RBM27: variants seen among roughly 807,000 people sequenced by gnomAD.
RBM27 encodes the protein RNA binding motif protein 27.
A neutral mutation model predicts 135.3 loss-of-function variants in RBM27; 22 were observed. The observed-to-expected ratio is 0.16, with a 90% confidence interval of 0.12 to 0.23. RBM27 has a LOEUF of 0.23. Ranked by LOEUF, RBM27 falls within the 10% of genes least tolerant of loss-of-function variation. RBM27 has a pLI of 1.00. For missense variants in RBM27, 1,009 were observed against 1,281.0 expected (o/e 0.79, Z 3.24); for synonymous variants, 481 against 442.4 (o/e 1.09, Z -1.10).
intron 2 of RBM27, among the ~76,000 whole-genome samples, chr5:146,219,609 C>G (rs1379267437): frequency 6.6e-6 from 1 of 152,182 alleles, no homozygotes; most frequent in African/African-American, 2.4e-5. Context: ...CTGACCTTAT[C>G]TCCTATCATT....
At chr5:146,256,335 T>C (rs1158936421) in intron 10 of RBM27, among the ~76,000 whole-genome samples, 1 of 147,206 alleles carries the variant, frequency 6.8e-6, no homozygotes, top group Non-Finnish European at 1.5e-5. Flanking sequence ...ATATATTATT[T>C]TTATATATAT....
Position 146,275,032 on chromosome 5 carries a change from T to C in RBM27, c.2988+3358T>C, listed in dbSNP as rs188040510. Among the ~76,000 whole-genome samples the C allele has an allele frequency of 2.5e-3, 374 of 151,698 alleles. 4 individuals carry two copies. Among genetic ancestry groups the C allele is most frequent in the African/African-American group, 8.7e-3 (361 of 41,466 alleles). On this transcript the variant is annotated intron_variant, in intron 19 of 20. Coordinates refer to ENST00000265271, the MANE Select transcript of RBM27 (RefSeq NM_018989.2). ...ACTTCAATGGATGAACATATTTTTC[T>C]TTTAATAACCTTTTCAAAAATGTAA...
At chr5:146,204,307 A>G (rs142339837) in intron 1 of RBM27, among the ~76,000 whole-genome samples, 11 of 152,348 alleles carry the variant, frequency 7.2e-5, no homozygotes, top group Middle Eastern at 3.4e-3. Flanking sequence ...GCAGAAGCGG[A>G]TAGCAGGGAC....
intron 13 of RBM27, 134 bp downstream of exon 13, chr5:146,261,940 C>G: frequency 2.3e-6 from 2 of 870,402 alleles, no homozygotes; most frequent in Non-Finnish European, 3.5e-6. Context: ...CATCTGATCT[C>G]CTGGGATCTT....
At chr5:146,218,368 TTTTCC>T (rs1248728089) in intron 1 of RBM27, among the ~76,000 whole-genome samples, 14 of 152,354 alleles carry the variant, frequency 9.2e-5, no homozygotes, top group Non-Finnish European at 1.5e-5. Flanking sequence ...ACCACTTCTC[TTTTCC>T]TTTCTGTTTC....
In RBM27 at chr5:146,269,237, A is replaced by G; in HGVS notation, c.2482A>G (p.Lys828Glu). ...AATGAAGTTACAACAAGATATGAGG[A>G]AAAAAAGACAGGAAGTGTTAGAAAA... ...EAMKLQQDMR[K>E]KRQEVLEKQI... is the part of the protein sequence containing the mutation. Residue 828 changes from lysine to glutamate, a missense_variant, in exon 16 of 21, where the codon AAA becomes GAA. Physicochemically the swap from Lys to Glu is moderately conservative, Grantham distance 56. Coordinates refer to ENST00000265271, the MANE Select transcript of RBM27 (RefSeq NM_018989.2). 6.2e-7 allele frequency: 1 copy of G among 1,606,118 alleles called. No homozygotes were observed.
chr5:146,256,375 G>C (rs1299201991), intron 10 of RBM27, among the ~76,000 whole-genome samples: 1 of 142,966 alleles, frequency 7.0e-6, no homozygotes, highest in African/African-American at 2.6e-5. Context: ...TTTGAGACAG[G>C]GTCTCCTTCT....
intron 1 of RBM27, among the ~76,000 whole-genome samples, chr5:146,211,458 T>C (rs1344850565): frequency 1.4e-5 from 2 of 139,104 alleles, no homozygotes; most frequent in African/African-American, 5.3e-5. Context: ...TCCAGTATGG[T>C]CTTATCTTTT....
At chr5:146,274,565 G>C (rs374935662) in intron 19 of RBM27, among the ~76,000 whole-genome samples, 2 of 152,212 alleles carry the variant, frequency 1.3e-5, no homozygotes, top group East Asian at 3.9e-4. Context: ...CACCGTGCCC[G>C]GCCCACACAT....
At chr5:146,250,064 G>A (rs182426339) in intron 8 of RBM27, among the ~76,000 whole-genome samples, 2 of 152,278 alleles carry the variant, frequency 1.3e-5, no homozygotes, top group East Asian at 3.9e-4. Context: ...GGGACTTACT[G>A]TGAAACCAAG....
chr5:146,218,868 C>G, intron 1 of RBM27, 117 bp from the exon 2 acceptor site: 2 of 585,414 alleles, frequency 3.4e-6, no homozygotes, highest in Non-Finnish European at 5.8e-6. Context: ...TTTGTGGTCA[C>G]TTTTTAGAAT....
intron 1 of RBM27, among the ~76,000 whole-genome samples, chr5:146,216,839 G>T (rs1463064903): frequency 2.0e-5 from 3 of 152,012 alleles, no homozygotes; most frequent in Non-Finnish European, 4.4e-5. Context: ...TATATTATTT[G>T]TAGAGACCGG....
rs1359208064 is a variant in RBM27, at chr5:146,251,619, G to A, written c.1280-92G>A. ...CTATTCCTGTTGGTTTAATTTCTCT[G>A]TTTTTGGCTCAAAGTCTCAGGAAAC... is the stretch of plus-strand genomic sequence containing the variant. On this transcript the variant is annotated intron_variant, in intron 8 of 20. Transcript: ENST00000265271. 11 of 1,261,136 alleles carry A rather than the reference G, an allele frequency of 8.7e-6. No homozygotes were observed. The East Asian group carries it at 2.6e-4, about 30-fold the overall frequency. 78.1% of individuals were successfully genotyped at this position (1,261,136 alleles called of 1,614,324 possible). A position where few individuals can be genotyped will look rare whatever the true frequency, so the allele number is the denominator to read the frequency against.
chr5:146,203,912 G>A (rs1755503933), intron 1 of RBM27, 88 bp downstream of exon 1: 2 of 1,208,300 alleles, frequency 1.7e-6, no homozygotes, highest in Non-Finnish European at 1.1e-6. Context: ...CGTGGGGGGC[G>A]GCGCTGAGGG....
At chr5:146,225,826 A>G (rs533066706) in intron 3 of RBM27, among the ~76,000 whole-genome samples, 2 of 151,950 alleles carry the variant, frequency 1.3e-5, no homozygotes, top group South Asian at 4.2e-4. Context: ...GGCCTTCCAA[A>G]GTGCTGGGAT....
intron 8 of RBM27, among the ~76,000 whole-genome samples, chr5:146,250,277 A>C (rs1222333302): frequency 6.6e-6 from 1 of 151,938 alleles, no homozygotes; most frequent in African/African-American, 2.4e-5. Context: ...CGTCTCTACT[A>C]AAAATACAAA....
At chr5:146,233,977 T>C (rs950031699) in intron 7 of RBM27, among the ~76,000 whole-genome samples, 7 of 152,314 alleles carry the variant, frequency 4.6e-5, no homozygotes, top group Admixed American at 2.0e-4. Flanking sequence ...TATATTGACC[T>C]GCAGTCAAAT....
At position 146,269,110 on chromosome 5, in the gene RBM27, TAGG is replaced by T. The variant is rs958034091; in HGVS notation, c.2452-92_2452-90del. 2.9e-5 allele frequency: 21 copies of T among 721,612 alleles called. No individual in the cohort carries two copies. The African/African-American group carries it at 3.4e-4, about 12-fold the overall frequency. The allele number at this position is 721,612 out of a possible 1,614,324, so 44.7% of individuals were successfully genotyped here. A position where few individuals can be genotyped will look rare whatever the true frequency, so the allele number is the denominator to read the frequency against. On this transcript the variant is annotated intron_variant, in intron 15 of 20. Coordinates refer to ENST00000265271, the MANE Select transcript of RBM27 (RefSeq NM_018989.2). ...TCTATGGTGTCAGCTATTTTTTTAT[TAGG>T]AGGACAGTCTGTCTCAGGGATGACC...
At chr5:146,243,554 A>G (rs1466177811) in intron 8 of RBM27, among the ~76,000 whole-genome samples, 4 of 152,194 alleles carry the variant, frequency 2.6e-5, no homozygotes, top group Non-Finnish European at 5.9e-5. Flanking sequence ...GAAATCTGAA[A>G]CAGTTCTGGT....
Sources: allele counts gnomAD v4.1 joint callset (sites outside exome capture counted in the v4.1 genomes callset), GRCh38; gene constraint gnomAD v4.1.1; transcripts MANE v1.5; gene names NCBI Gene and HGNC (gene_info 2026-07-23, HGNC 2026-07-21).